Variants in MGST1 observed in about 807,000 individuals in gnomAD.
The protein encoded by MGST1 is microsomal glutathione S-transferase 1.
MGST1 carries 5 observed loss-of-function variants against 8.9 expected under a neutral mutation model. That is an observed-to-expected ratio of 0.56 (90% CI 0.29 to 1.19). MGST1 has a LOEUF of 1.19. MGST1 is among the 50% of genes most tolerant of loss of function. MGST1 has a pLI of 0.08. For synonymous variants in MGST1, 54 were observed against 67.8 expected (o/e 0.80, Z 1.00); for missense variants, 182 against 187.4 (o/e 0.97, Z 0.17).
At chr12:16,549,151 A>G (rs1229094490) in intron 4 of MGST1, 1 of 152,200 alleles carries the variant, frequency 6.6e-6, no homozygotes, top group South Asian at 2.1e-4. Flanking sequence ...CTGCATTAAG[A>G]AAACCACTTT....
At chr12:16,433,583 T>C (rs1940957815) in intron 1 of MGST1, among the ~76,000 whole-genome samples, 1 of 152,128 alleles carries the variant, frequency 6.6e-6, no homozygotes, top group Non-Finnish European at 1.5e-5. Context: ...GGCCTTCAGC[T>C]GGTTAAATGA....
At chr12:16,394,378 C>T (rs1317021098) in intron 1 of MGST1, among the ~76,000 whole-genome samples, 1 of 148,582 alleles carries the variant, frequency 6.7e-6, no homozygotes, top group African/African-American at 2.6e-5. Context: ...CTTTCTTTCT[C>T]TTTCTTTTTC....
At chr12:16,551,114 A>G (rs1941973150) in intron 4 of MGST1, 4 of 717,268 alleles carry the variant, frequency 5.6e-6, no homozygotes, top group Non-Finnish European at 7.4e-6. Context: ...CTGCCTTCCT[A>G]TATCTACGCT....
chr12:16,418,383 G>A (rs1035358603), intron 1 of MGST1, among the ~76,000 whole-genome samples: 1 of 152,100 alleles, frequency 6.6e-6, no homozygotes, highest in East Asian at 1.9e-4. Flanking sequence ...AAAAACATCC[G>A]AAGGTAAAGC....
chr12:16,572,272 A>G (rs1266595989), intron 4 of MGST1, among the ~76,000 whole-genome samples: 1 of 148,524 alleles, frequency 6.7e-6, no homozygotes, highest in Non-Finnish European at 1.5e-5. Context: ...TAGATTACAT[A>G]TTTATATGTT....
intron 1 of MGST1, among the ~76,000 whole-genome samples, chr12:16,436,400 T>C (rs1474064262): frequency 1.3e-5 from 2 of 151,846 alleles, no homozygotes; most frequent in African/African-American, 2.4e-5. Context: ...TGAAACAAGG[T>C]GTTCTTGCAG....
chr12:16,505,361 C>A (rs559247055), intron 4 of MGST1, among the ~76,000 whole-genome samples: 1 of 152,146 alleles, frequency 6.6e-6, no homozygotes, highest in Non-Finnish European at 1.5e-5. Flanking sequence ...GATAGCACTG[C>A]GATTAACATG....
In MGST1 at chr12:16,401,876, T is replaced by C; in HGVS notation, n.778+18272T>C. The C allele has an allele frequency of 6.2e-7, 1 of 1,603,840 alleles. No individual in the cohort carries two copies. On this transcript the variant is annotated intron_variant and non_coding_transcript_variant, in intron 1 of 1. Coordinates refer to the MGST1 transcript ENST00000359720. The surrounding 1 kb of genome is among the most constrained non-coding windows in gnomAD (Gnocchi z 4.3). ...AAGTGATGCCAGCTGCTTTCTTCAT[T>C]AATTTGAGCTCCCCATCCTCCCTTA...
At chr12:16,538,664 C>T (rs530872804) in intron 4 of MGST1, among the ~76,000 whole-genome samples, 11 of 149,150 alleles carry the variant, frequency 7.4e-5, no homozygotes, top group Non-Finnish European at 1.3e-4. Flanking sequence ...GCTGGAGTGC[C>T]GTGGCGAGAT....
rs1281794075 is a variant in MGST1, at chr12:16,585,122, AT to A, written n.483-4405del. On this transcript the variant is annotated intron_variant and non_coding_transcript_variant, in intron 4 of 4. Coordinates refer to the MGST1 transcript ENST00000538857. This position sits in a 1 kb window ranked among gnomAD's most constrained non-coding sequence, Gnocchi z 4.7. ...TCGTACAGTGTGCTGGAATTAAGTCATGGCTTCCCCCTTTGGGTGGCGCATG... is the reference window on the plus strand; with the variant it reads ...TCGTACAGTGTGCTGGAATTAAGTCAGGCTTCCCCCTTTGGGTGGCGCATG... Among the ~76,000 whole-genome samples, 3 of 152,174 alleles carry A rather than the reference AT, an allele frequency of 2.0e-5. No homozygotes were observed. Among genetic ancestry groups the A allele is most frequent in the African/African-American group, 7.2e-5 (3 of 41,452 alleles).
At chr12:16,499,371 T>C (rs2137165716) in intron 4 of MGST1, among the ~76,000 whole-genome samples, 1 of 152,338 alleles carries the variant, frequency 6.6e-6, no homozygotes, top group Non-Finnish European at 1.5e-5. Context: ...TTTAGATAAC[T>C]TTTGAGGTAT....
At chr12:16,488,559 T>C (rs1311422663) in intron 4 of MGST1, among the ~76,000 whole-genome samples, 1 of 152,166 alleles carries the variant, frequency 6.6e-6, no homozygotes, top group Non-Finnish European at 1.5e-5. Flanking sequence ...TCTTGTTTAC[T>C]TTCCTCCATA....
chr12:16,388,821 A>G (rs1179246485), intron 1 of MGST1, among the ~76,000 whole-genome samples: 2 of 152,214 alleles, frequency 1.3e-5, no homozygotes, highest in African/African-American at 4.8e-5. Flanking sequence ...AGGCAGCTTT[A>G]GGAGACTTGA....
At chr12:16,349,830 C>CCG (rs1939380436) in intron 1 of MGST1, among the ~76,000 whole-genome samples, 1 of 151,324 alleles carries the variant, frequency 6.6e-6, no homozygotes, top group African/African-American at 2.4e-5. Flanking sequence ...CTGCAAACTC[C>CCG]GCTTCCCGGG....
chr12:16,395,432 T>C (rs1439262210), intron 1 of MGST1, among the ~76,000 whole-genome samples: 2 of 152,128 alleles, frequency 1.3e-5, no homozygotes, highest in Admixed American at 6.5e-5. Flanking sequence ...AAAAAATTTA[T>C]TTCCATAGGT....
At chr12:16,434,935 A>G (rs539694574) in intron 1 of MGST1, among the ~76,000 whole-genome samples, 13 of 152,042 alleles carry the variant, frequency 8.6e-5, no homozygotes, top group Non-Finnish European at 1.9e-4. Flanking sequence ...TTGAAGGAGA[A>G]GCGACATTTT....
chr12:16,403,546 AT>A (rs924795901), intron 1 of MGST1, among the ~76,000 whole-genome samples: 2 of 152,140 alleles, frequency 1.3e-5, no homozygotes, highest in African/African-American at 2.4e-5. Flanking sequence ...TGTTTTCACC[AT>A]TTTTTAATGT....
At chr12:16,425,179 T>C (rs1940874872) in intron 1 of MGST1, among the ~76,000 whole-genome samples, 1 of 152,158 alleles carries the variant, frequency 6.6e-6, no homozygotes, top group African/African-American at 2.4e-5. Context: ...ATTTTGTACT[T>C]TATCTACTTA....
At position 16,584,913 on chromosome 12, in the gene MGST1, C is replaced by T. The variant is rs1943269875; in HGVS notation, n.483-4615C>T. Among the ~76,000 whole-genome samples, 2 of 152,174 alleles carry T rather than the reference C, an allele frequency of 1.3e-5. No homozygotes were observed. The highest frequency in any genetic ancestry group is 2.4e-5 in the African/African-American group (1 of 41,434). On this transcript the variant is annotated intron_variant and non_coding_transcript_variant, in intron 4 of 4. Transcript: ENST00000538857. This position sits in a 1 kb window ranked among gnomAD's most constrained non-coding sequence, Gnocchi z 5.2. ...TTCAAACACCTTAGCGAACTGTACACATTAAAGGGCCTGATCAGTTATCTG... is the reference window on the plus strand; with the variant it reads ...TTCAAACACCTTAGCGAACTGTACATATTAAAGGGCCTGATCAGTTATCTG...
Sources: allele counts gnomAD v4.1 joint callset (sites outside exome capture counted in the v4.1 genomes callset), GRCh38; gene constraint gnomAD v4.1.1; non-coding constraint Gnocchi (gnomAD v3.1); transcripts MANE v1.5; gene names NCBI Gene and HGNC (gene_info 2026-07-23, HGNC 2026-07-21).